Variants in RIMKLB observed in about 807,000 individuals in gnomAD.
The protein encoded by RIMKLB is ribosomal modification protein rimK like family member B.
A neutral mutation model predicts 32.0 loss-of-function variants in RIMKLB; 7 were observed. The ratio of observed to expected loss-of-function variants is 0.22; its 90% CI spans 0.12 to 0.41. The LOEUF is 0.41. RIMKLB is among the 10% of genes least tolerant of loss of function. The probability of loss-of-function intolerance (pLI) is 1.00; values close to 1 mark genes in which losing one functional copy is unlikely to be tolerated. For synonymous variants in RIMKLB, 172 were observed against 185.1 expected, an observed-to-expected ratio of 0.93 and a Z score of 0.57; for missense variants, 289 against 498.7, an observed-to-expected ratio of 0.58 and a Z score of 4.00.
chr12:8,781,671 T>C (rs1951056782), downstream of RIMKLB, among the ~76,000 whole-genome samples: 1 of 152,234 alleles, frequency 6.6e-6, no homozygotes, highest in Non-Finnish European at 1.5e-5. Context: ...TTATCCGATG[T>C]TGCCATTTTC....
chr12:8,716,973 G>A (rs999175336), intron 2 of RIMKLB, among the ~76,000 whole-genome samples: 1 of 148,920 alleles, frequency 6.7e-6, no homozygotes, highest in African/African-American at 2.5e-5. Context: ...CTTTTCCCCT[G>A]TAGTGTTAAA....
At chr12:8,680,744 TA>T (rs1942393795), upstream of RIMKLB, among the ~76,000 whole-genome samples, 1 of 152,250 alleles carries the variant, frequency 6.6e-6, no homozygotes, top group East Asian at 1.9e-4. Context: ...CTCATTCAGT[TA>T]AGATGAAAAG....
Position 8,775,415 on chromosome 12 carries a change from T to A in RIMKLB, c.*1631T>A. Reference sequence around the variant, plus strand: ...ATCCCATTGATGGGTTTGGATGGTATGTTAAGAAATGGAGATGCTGCAGAG... The same window carrying A: ...ATCCCATTGATGGGTTTGGATGGTAAGTTAAGAAATGGAGATGCTGCAGAG... On this transcript the variant is annotated 3_prime_UTR_variant, in exon 6 of 6. Coordinates refer to ENST00000535829, the MANE Select transcript of RIMKLB (RefSeq NM_001297776.2). 1.0e-6 allele frequency: 1 copy of A among 985,502 alleles called. No individual in the cohort carries two copies. The highest frequency in any genetic ancestry group is 1.2e-6 in the Non-Finnish European group (1 of 829,882). The allele number at this position is 985,502 out of a possible 1,614,324, so 61.0% of individuals were successfully genotyped here. A position where few individuals can be genotyped will look rare whatever the true frequency, so the allele number is the denominator to read the frequency against.
chr12:8,678,815 G>C (rs764702025), upstream of RIMKLB: 1 of 152,140 alleles, frequency 6.6e-6, no homozygotes, highest in South Asian at 2.1e-4. Context: ...GCTGGTGCAG[G>C]GGATGCAAAG....
intron 5 of RIMKLB, among the ~76,000 whole-genome samples, chr12:8,766,252 T>G (rs1043171040): frequency 6.6e-5 from 10 of 152,184 alleles, no homozygotes; most frequent in Non-Finnish European, 1.5e-4. Context: ...ATCGGATTAG[T>G]TACGCTCACT....
intron 2 of RIMKLB, among the ~76,000 whole-genome samples, chr12:8,736,508 A>G (rs971814222): frequency 2.1e-5 from 3 of 140,310 alleles, no homozygotes; most frequent in African/African-American, 5.5e-5. Flanking sequence ...ATTCTTAAGC[A>G]TGTATTTCCT....
chr12:8,763,767 C>G (rs921497578), intron 5 of RIMKLB, among the ~76,000 whole-genome samples: 3 of 152,160 alleles, frequency 2.0e-5, no homozygotes, highest in Non-Finnish European at 4.4e-5. Context: ...ACAAGAGTGT[C>G]CTTCAGTATG....
chr12:8,780,247 T>C (rs929529017), downstream of RIMKLB: 1 of 152,210 alleles, frequency 6.6e-6, no homozygotes, highest in African/African-American at 2.4e-5. Flanking sequence ...TTTTAAGTTA[T>C]GGTATTTGTT....
At chr12:8,749,006 T>C (rs561125904) in intron 2 of RIMKLB, among the ~76,000 whole-genome samples, 33 of 152,148 alleles carry the variant, frequency 2.2e-4, no homozygotes, top group Non-Finnish European at 4.7e-4. Context: ...TAGAATGGTA[T>C]TGGATAAATG....
At chr12:8,765,450 T>C (rs993589354) in intron 5 of RIMKLB, among the ~76,000 whole-genome samples, 1 of 152,192 alleles carries the variant, frequency 6.6e-6, no homozygotes, top group African/African-American at 2.4e-5. Flanking sequence ...GCTGCAGTTA[T>C]GGCGGCCCTT....
intron 1 of RIMKLB, among the ~76,000 whole-genome samples, chr12:8,710,307 CT>C (rs762963381): frequency 0.049 from 6,105 of 125,556 alleles, 377 homozygotes; most frequent in African/African-American, 0.16. Context: ...TTGTTTCCTT[CT>C]TTTTTTTTTT....
downstream of RIMKLB, chr12:8,777,219 T>TTC (rs1405203698): frequency 1.1e-6 from 1 of 938,144 alleles, no homozygotes; most frequent in Non-Finnish European, 1.3e-6. Context: ...TGCTTTCTTT[T>TTC]TTTTTTTTTT....
chr12:8,732,791 A>AT (rs1172762783), intron 2 of RIMKLB, among the ~76,000 whole-genome samples: 2 of 151,614 alleles, frequency 1.3e-5, no homozygotes, highest in Non-Finnish European at 2.9e-5. Context: ...ACTCTCTTTA[A>AT]TTTTTTTACG....
chr12:8,775,187 A>C lies in RIMKLB; in HGVS notation c.*1403A>C. 7 of 985,284 alleles carry C rather than the reference A, an allele frequency of 7.1e-6. No homozygotes were observed. The highest frequency in any genetic ancestry group is 8.4e-6 in the Non-Finnish European group (7 of 829,804). The allele number at this position is 985,284 out of a possible 1,614,324, so 61.0% of individuals were successfully genotyped here. The stretch of plus-strand genomic sequence containing the variant: ...TTTTCTTTAATGCTTCTGGCTATGC[A>C]TTTTCTCTTTTTACATATAGGATTT... On this transcript the variant is annotated 3_prime_UTR_variant, in exon 6 of 6. Transcript: ENST00000535829.
At position 8,775,470 on chromosome 12, in the gene RIMKLB, T is replaced by G. The variant is rs1220978276; in HGVS notation, c.*1686T>G. ...ACGTAATTTTTTAAACAGCAAGTTT[T>G]CCATCTCCCTACGAATCCTCTGAAG... On this transcript the variant is annotated 3_prime_UTR_variant, in exon 6 of 6. Transcript: ENST00000535829. 1 of 985,664 alleles carries G rather than the reference T, an allele frequency of 1.0e-6. No individual in the cohort carries two copies. Among genetic ancestry groups the G allele is most frequent in the African/African-American group, 1.7e-5 (1 of 57,250 alleles). 61.1% of individuals were successfully genotyped at this position (985,664 alleles called of 1,614,324 possible).
Position 8,759,806 on chromosome 12 carries a change from G to A in RIMKLB, c.697+5713G>A, listed in dbSNP as rs183689887. On this transcript the variant is annotated intron_variant, in intron 5 of 5. Coordinates refer to ENST00000535829, the MANE Select transcript of RIMKLB (RefSeq NM_001297776.2). Reference sequence around the variant, plus strand: ...TTGCAGTGATTTCTGTCTAGTTTCTGATTTCCACTGAAATAGGTTTAGTGT... The same window carrying A: ...TTGCAGTGATTTCTGTCTAGTTTCTAATTTCCACTGAAATAGGTTTAGTGT... 5.3e-5 allele frequency among the ~76,000 whole-genome samples: 8 copies of A among 152,126 alleles called. No homozygotes were observed. In the East Asian group the frequency reaches 1.2e-3, roughly 22 times the overall value.
chr12:8,769,273 AT>A (rs111882483), intron 5 of RIMKLB, among the ~76,000 whole-genome samples: 4,114 of 150,456 alleles, frequency 0.027, 185 homozygotes, highest in African/African-American at 0.094. Flanking sequence ...GGCCTGTAAC[AT>A]TTTTTTTTAA....
At chr12:8,708,356 G>C (rs775594314) in intron 1 of RIMKLB, among the ~76,000 whole-genome samples, 6 of 152,152 alleles carry the variant, frequency 3.9e-5, no homozygotes, top group Admixed American at 3.9e-4. Context: ...CAAGAAAGAT[G>C]AGAGGGAGAG....
At chr12:8,680,816 C>A (rs113176089), upstream of RIMKLB, among the ~76,000 whole-genome samples, 1 of 152,078 alleles carries the variant, frequency 6.6e-6, no homozygotes, top group African/African-American at 2.4e-5. Flanking sequence ...ATGCCAATTA[C>A]GGCAGATTTT....
Sources: gnomAD v4.1 joint callset for allele counts (sites outside exome capture counted in the v4.1 genomes callset) on GRCh38, gnomAD v4.1.1 for gene constraint, MANE v1.5 for transcripts, NCBI Gene and HGNC (gene_info 2026-07-23, HGNC 2026-07-21) for gene names.